The following TBCD variants were observed in gnomAD, a reference collection of about 807,000 sequenced individuals.
TBCD encodes the protein tubulin folding cofactor D.
In TBCD, 105 loss-of-function variants were observed where a neutral mutation model predicts 169.3. The ratio of observed to expected loss-of-function variants is 0.62; its 90% CI spans 0.53 to 0.73. The LOEUF (loss-of-function observed/expected upper bound fraction) is 0.73. Ranked by LOEUF, TBCD falls within the 30% of genes least tolerant of loss-of-function variation. The pLI is 0.00. For missense variants in TBCD, 1,444 were observed against 1,600.1 expected (o/e 0.90, Z 1.66); for synonymous variants, 700 against 643.9 (o/e 1.09, Z -1.32).
chr17:82,942,650 G>A lies in TBCD; in HGVS notation c.*187G>A, dbSNP rs952866474. The A allele has an allele frequency of 2.5e-5, 17 of 677,342 alleles. No homozygotes were observed. Among genetic ancestry groups the A allele is most frequent in the Non-Finnish European group, 4.1e-5 (16 of 391,676 alleles). 42.0% of individuals were successfully genotyped at this position (677,342 alleles called of 1,614,324 possible). The stretch of plus-strand genomic sequence containing the variant: ...TGCGCTCTGGTGACTTGGGGTGGAC[G>A]CCTCTGCCTTCACTTGAACACAAAT... On this transcript the variant is annotated 3_prime_UTR_variant, in exon 39 of 39. Coordinates refer to ENST00000355528, the MANE Select transcript of TBCD (RefSeq NM_005993.5).
In TBCD at chr17:82,923,281, TA is replaced by T. The variant is rs1373895267; in HGVS notation, c.2179-370del. On this transcript the variant is annotated intron_variant, in intron 25 of 38. Coordinates refer to ENST00000355528, the MANE Select transcript of TBCD (RefSeq NM_005993.5). This position sits in a 1 kb window ranked among gnomAD's most constrained non-coding sequence, Gnocchi z 4.6. Reference sequence around the variant, plus strand: ...CCATTCAGTTTCTTAGTTGTAGTGGTAGTAAAGTGATGCGTGTATCTGACAG... The same window carrying T: ...CCATTCAGTTTCTTAGTTGTAGTGGTGTAAAGTGATGCGTGTATCTGACAG... 2.6e-5 allele frequency among the ~76,000 whole-genome samples: 4 copies of T among 152,218 alleles called. No homozygotes were observed. The highest frequency in any genetic ancestry group is 5.9e-5 in the Non-Finnish European group (4 of 68,038).
intron 12 of TBCD, among the ~76,000 whole-genome samples, chr17:82,813,669 C>T (rs759893520): frequency 6.6e-6 from 1 of 152,236 alleles, no homozygotes; most frequent in Non-Finnish European, 1.5e-5. Context: ...CAGATGTTAA[C>T]TAAATCTTTG....
At position 82,864,873 on chromosome 17, in the gene TBCD, GCGGGGGCCTGCT is replaced by G. The variant is rs1268379254; in HGVS notation, c.1319-5349_1319-5338del. Reference sequence around the variant, plus strand: ...CACTCCCCGGGGCACCGTGGGGACAGCGGGGGCCTGCTCACTCCCTGGGGCACCGTGGGGACA... The same window carrying G: ...CACTCCCCGGGGCACCGTGGGGACAGCACTCCCTGGGGCACCGTGGGGACA... On this transcript the variant is annotated intron_variant, in intron 13 of 38. Transcript: ENST00000355528. The surrounding 1 kb of genome is among the most constrained non-coding windows in gnomAD (Gnocchi z 6.3). 1.4e-3 allele frequency among the ~76,000 whole-genome samples: 63 copies of G among 44,044 alleles called. No homozygotes were observed. The highest frequency in any genetic ancestry group is 1.2e-3 in the Non-Finnish European group (21 of 18,044). The allele number at this position is 44,044 out of a possible 152,430, so 28.9% of individuals were successfully genotyped here. A position where few individuals can be genotyped will look rare whatever the true frequency, so the allele number is the denominator to read the frequency against.
chr17:82,928,850 G>A (rs1012598822), intron 30 of TBCD, among the ~76,000 whole-genome samples: 12 of 152,060 alleles, frequency 7.9e-5, no homozygotes, highest in Admixed American at 2.0e-4. Flanking sequence ...CATGTAACAC[G>A]TAGCACATGT....
intron 1 of TBCD, 108 bp downstream of exon 1, chr17:82,752,485 G>T (rs1156971209): frequency 2.3e-5 from 21 of 914,520 alleles, no homozygotes; most frequent in Non-Finnish European, 1.5e-5. Context: ...GCCGCTCTGC[G>T]AGGGCTGCCG....
At position 82,832,455 on chromosome 17, in the gene TBCD, T is replaced by G. The variant is rs1325502233; in HGVS notation, c.1318+17521T>G. 4 of 1,609,150 alleles carry G rather than the reference T, an allele frequency of 2.5e-6. No individual in the cohort carries two copies. The highest frequency in any genetic ancestry group is 1.7e-5 in the Admixed American group (1 of 59,996). On this transcript the variant is annotated intron_variant, in intron 13 of 38. Transcript: ENST00000355528. The surrounding 1 kb of genome is among the most constrained non-coding windows in gnomAD (Gnocchi z 4.9). ...GCTTCCGCTCTTTGAGGAGACTCAT[T>G]TTCCTCCTTATGCCTTGGACTCTGG...
chr17:82,930,068 C>T lies in TBCD; in HGVS notation c.2992-454C>T, dbSNP rs540333694. On this transcript the variant is annotated intron_variant, in intron 32 of 38. Coordinates refer to ENST00000355528, the MANE Select transcript of TBCD (RefSeq NM_005993.5). This position sits in a 1 kb window ranked among gnomAD's most constrained non-coding sequence, Gnocchi z 5.2. ...ACAGGACGTGAGGTGCCCTCTGCGC[C>T]GTGTGGGCGCGTGCGGGGAGACCCG... 7 of 254,408 alleles carry T rather than the reference C, an allele frequency of 2.8e-5. No homozygotes were observed. Among genetic ancestry groups the T allele is most frequent in the East Asian group, 1.0e-4 (1 of 9,922 alleles). The allele number at this position is 254,408 out of a possible 1,614,324, so 15.8% of individuals were successfully genotyped here. A position where few individuals can be genotyped will look rare whatever the true frequency, so the allele number is the denominator to read the frequency against.
chr17:82,828,133 T>C (rs1291349932), intron 13 of TBCD, among the ~76,000 whole-genome samples: 1 of 127,844 alleles, frequency 7.8e-6, no homozygotes, highest in Admixed American at 8.3e-5. Context: ...ACCCACACAG[T>C]TGAATGTGCA....
intron 13 of TBCD, among the ~76,000 whole-genome samples, chr17:82,850,006 CTGTTGGCTGTGCTGT>C (rs71168163): frequency 1.1e-4 from 11 of 101,260 alleles, no homozygotes; most frequent in African/African-American, 3.6e-4. Context: ...GGCTGTGCTG[CTGTTGGCTGTGCTGT>C]TGTTGGCTGT....
At chr17:82,834,380 C>CTTTA (rs1274538647) in intron 13 of TBCD, among the ~76,000 whole-genome samples, 2 of 152,106 alleles carry the variant, frequency 1.3e-5, no homozygotes, top group Non-Finnish European at 2.9e-5. Flanking sequence ...AGGCTAAGCA[C>CTTTA]TTTAATTCGT....
chr17:82,840,953 G>T (rs62073992), intron 13 of TBCD, among the ~76,000 whole-genome samples: 3 of 70,544 alleles, frequency 4.3e-5, no homozygotes, highest in East Asian at 4.1e-4. Context: ...CAGACAAACT[G>T]GTTTTTTTTT....
At chr17:82,825,747 C>T (rs1054678647) in intron 13 of TBCD, among the ~76,000 whole-genome samples, 1 of 152,218 alleles carries the variant, frequency 6.6e-6, no homozygotes, top group African/African-American at 2.4e-5. Context: ...AAAACTATTG[C>T]GTCACTCATC....
intron 4 of TBCD, 46 bp from the exon 5 acceptor site, chr17:82,768,374 G>A: frequency 6.2e-7 from 1 of 1,610,712 alleles, no homozygotes; most frequent in South Asian, 1.1e-5. Context: ...CCAGTGGCCT[G>A]TGATTTTCAA....
intron 15 of TBCD, among the ~76,000 whole-genome samples, chr17:82,888,258 C>T (rs1322253192): frequency 2.0e-5 from 3 of 152,224 alleles, no homozygotes; most frequent in East Asian, 1.9e-4. Context: ...CACTGTGTGA[C>T]GGGCTGTGCT....
At chr17:82,804,536 A>G (rs749512913) in intron 9 of TBCD, among the ~76,000 whole-genome samples, 8 of 152,154 alleles carry the variant, frequency 5.3e-5, no homozygotes, top group Non-Finnish European at 1.2e-4. Flanking sequence ...CAAGGCCTGC[A>G]TTGCTGGGGG....
At chr17:82,942,306 C>T (rs1042684891) in intron 38 of TBCD, 143 bp from the exon 39 acceptor site, 41 of 1,198,004 alleles carry the variant, frequency 3.4e-5, no homozygotes, top group South Asian at 9.5e-5. Context: ...CTCAGGCTGC[C>T]GGGTGTGTGG....
At chr17:82,866,622 C>G (rs186748798) in intron 13 of TBCD, among the ~76,000 whole-genome samples, 1 of 152,252 alleles carries the variant, frequency 6.6e-6, no homozygotes, top group African/African-American at 2.4e-5. Flanking sequence ...CAGGACTTTG[C>G]GCTGTGGCCT....
At chr17:82,766,748 A>G (rs986617700) in intron 4 of TBCD, among the ~76,000 whole-genome samples, 1 of 152,126 alleles carries the variant, frequency 6.6e-6, no homozygotes, top group Non-Finnish European at 1.5e-5. Flanking sequence ...TTTGGCTGTC[A>G]CTTGTTATGG....
intron 13 of TBCD, among the ~76,000 whole-genome samples, chr17:82,857,612 A>T (rs1187331240): frequency 1.3e-5 from 2 of 152,222 alleles, no homozygotes; most frequent in East Asian, 3.9e-4. Context: ...GACACTTTTA[A>T]ATTGGAGTTG....
Sources: gnomAD v4.1 joint callset for allele counts (sites outside exome capture counted in the v4.1 genomes callset) on GRCh38, gnomAD v4.1.1 for gene constraint, Gnocchi (gnomAD v3.1) non-coding constraint, MANE v1.5 for transcripts, NCBI Gene and HGNC (gene_info 2026-07-23, HGNC 2026-07-21) for gene names.